Variants in ADGRB3 observed in about 807,000 individuals in gnomAD.
ADGRB3 encodes the protein adhesion G protein-coupled receptor B3, also known as brain-specific angiogenesis inhibitor 3.
In ADGRB3, 37 loss-of-function variants were observed where a neutral mutation model predicts 193.4. The observed-to-expected ratio is 0.19, with a 90% CI of 0.15 to 0.25. The LOEUF is 0.25. ADGRB3 is among the 10% of genes least tolerant of loss of function. The probability of loss-of-function intolerance (pLI) is 1.00; values close to 1 mark genes in which losing one functional copy is unlikely to be tolerated. For missense variants in ADGRB3, 1,637 were observed against 1,852.9 expected (o/e 0.88, Z 2.14); for synonymous variants, 690 against 644.2 (o/e 1.07, Z -1.08).
chr6:68,966,400 C>A (rs763087609), intron 8 of ADGRB3, among the ~76,000 whole-genome samples: 1 of 151,990 alleles, frequency 6.6e-6, no homozygotes, highest in Non-Finnish European at 1.5e-5. Context: ...CCTTGCTTAC[C>A]TCATCATATA....
At chr6:68,916,938 T>C (rs1427672206) in intron 3 of ADGRB3, among the ~76,000 whole-genome samples, 2 of 152,150 alleles carry the variant, frequency 1.3e-5, no homozygotes, top group Non-Finnish European at 2.9e-5. Context: ...ACTTTATATA[T>C]GTTTTACCTT....
chr6:69,149,102 GTTA>G (rs1774589181), intron 17 of ADGRB3, among the ~76,000 whole-genome samples: 3 of 152,146 alleles, frequency 2.0e-5, no homozygotes, highest in East Asian at 3.9e-4. Flanking sequence ...GAAGTTCTCT[GTTA>G]TTATCCTTTT....
At chr6:69,080,751 CA>C (rs1449982539) in intron 17 of ADGRB3, among the ~76,000 whole-genome samples, 15 of 151,868 alleles carry the variant, frequency 9.9e-5, no homozygotes, top group Non-Finnish European at 2.2e-4. Flanking sequence ...TTCAATTAAC[CA>C]TAGACAGGAA....
chr6:68,643,463 T>TTCTA (rs1259604102), intron 3 of ADGRB3, among the ~76,000 whole-genome samples: 1 of 140,334 alleles, frequency 7.1e-6, no homozygotes, highest in East Asian at 2.5e-4. Flanking sequence ...TTTTTTTTCG[T>TTCTA]ATGTCACTGC....
chr6:69,243,309 A>G (rs1766422606), intron 20 of ADGRB3, among the ~76,000 whole-genome samples: 1 of 151,960 alleles, frequency 6.6e-6, no homozygotes, highest in Non-Finnish European at 1.5e-5. Context: ...TCTATTCAGG[A>G]AGCTCAATGA....
Position 69,339,366 on chromosome 6 carries a change from C to T in ADGRB3, c.3321C>T (p.Pro1107=), listed in dbSNP as rs774674537. The T allele has an allele frequency of 6.2e-7, 1 of 1,613,910 alleles. No individual in the cohort carries two copies. Among genetic ancestry groups the T allele is most frequent in the South Asian group, 1.1e-5 (1 of 91,068 alleles). The change falls in exon 26 of 32, where the codon CCC becomes CCT. Residue 1107 remains proline (P), a synonymous_variant. Coordinates refer to ENST00000370598, the MANE Select transcript of ADGRB3 (RefSeq NM_001704.3). ...TTTGGAGCTCCTGTGTGGTGTTGCC[C>T]CTTCTGGCTTTGACGTGGATGTCTG... is the stretch of plus-strand genomic sequence containing the variant. ...ASLWSSCVVL[P]LLALTWMSAV...
chr6:68,862,172 G>A (rs570718147), intron 3 of ADGRB3, among the ~76,000 whole-genome samples: 1 of 146,750 alleles, frequency 6.8e-6, no homozygotes, highest in South Asian at 2.2e-4. Flanking sequence ...TTCTCCTTAT[G>A]GGCATAAAGA....
chr6:68,839,530 C>T (rs1182994099), intron 3 of ADGRB3, among the ~76,000 whole-genome samples: 1 of 152,138 alleles, frequency 6.6e-6, no homozygotes, highest in Admixed American at 6.5e-5. Context: ...ATAGATGTCA[C>T]CTTATAGGAA....
chr6:68,669,400 C>T (rs140629556), intron 3 of ADGRB3, among the ~76,000 whole-genome samples: 2 of 150,992 alleles, frequency 1.3e-5, no homozygotes, highest in African/African-American at 4.9e-5. Flanking sequence ...CCCCACTACC[C>T]TTCCCTGCCT....
At chr6:69,172,107 G>A (rs1177078049) in intron 17 of ADGRB3, among the ~76,000 whole-genome samples, 2 of 152,180 alleles carry the variant, frequency 1.3e-5, no homozygotes, top group Admixed American at 1.3e-4. Flanking sequence ...TGAAGCCTAT[G>A]TTTTTAGATC....
At chr6:69,293,899 A>G (rs536177724) in intron 20 of ADGRB3, among the ~76,000 whole-genome samples, 1 of 151,572 alleles carries the variant, frequency 6.6e-6, no homozygotes, top group African/African-American at 2.4e-5. Flanking sequence ...GAACATAGAC[A>G]GGAAGGAACA....
At chr6:68,897,506 A>AGGAAGGAAGGGAGGGAGGAAGGAAAG (rs1766257816) in intron 3 of ADGRB3, among the ~76,000 whole-genome samples, 2 of 28,996 alleles carry the variant, frequency 6.9e-5, no homozygotes, top group Non-Finnish European at 1.3e-4. Flanking sequence ...AGGGAAGAGG[A>AGGAAGGAAGGGAGGGAGGAAGGAAAG]AGGAAGGAAG....
intron 3 of ADGRB3, among the ~76,000 whole-genome samples, chr6:68,771,159 C>A (rs1177680197): frequency 6.6e-6 from 1 of 151,922 alleles, no homozygotes; most frequent in Non-Finnish European, 1.5e-5. Flanking sequence ...GCTATGTAAA[C>A]TTTTATTTTC....
chr6:68,781,780 G>T (rs1311163383), intron 3 of ADGRB3, among the ~76,000 whole-genome samples: 1 of 151,952 alleles, frequency 6.6e-6, no homozygotes, highest in Non-Finnish European at 1.5e-5. Flanking sequence ...TGGATCCCAA[G>T]AAGCTGAGGT....
intron 3 of ADGRB3, among the ~76,000 whole-genome samples, chr6:68,666,140 C>G (rs1768794533): frequency 6.6e-6 from 1 of 151,848 alleles, no homozygotes; most frequent in Admixed American, 6.6e-5. Flanking sequence ...GAATCACAAA[C>G]TAGCAGACCT....
At chr6:68,715,929 G>T (rs1290561699) in intron 3 of ADGRB3, among the ~76,000 whole-genome samples, 2 of 151,718 alleles carry the variant, frequency 1.3e-5, no homozygotes, top group East Asian at 1.9e-4. Context: ...AGGTGTATTG[G>T]GGTGTATGCA....
chr6:68,760,686 T>G (rs1766380622), intron 3 of ADGRB3, among the ~76,000 whole-genome samples: 1 of 152,172 alleles, frequency 6.6e-6, no homozygotes. Flanking sequence ...TCCACACAGG[T>G]GGACTGCCTC....
At chr6:69,378,038 C>T (rs1354198633) in intron 30 of ADGRB3, among the ~76,000 whole-genome samples, 1 of 152,046 alleles carries the variant, frequency 6.6e-6, no homozygotes, top group African/African-American at 2.4e-5. Context: ...TCTATGCTGT[C>T]TTGTTCATTT....
chr6:68,828,283 G>A (rs893327300), intron 3 of ADGRB3, among the ~76,000 whole-genome samples: 2 of 152,054 alleles, frequency 1.3e-5, no homozygotes, highest in African/African-American at 4.8e-5. Flanking sequence ...ATTTTAGTAA[G>A]TAGAATGTAA....
Sources: allele counts gnomAD v4.1 joint callset (sites outside exome capture counted in the v4.1 genomes callset), GRCh38; gene constraint gnomAD v4.1.1; transcripts MANE v1.5; gene names NCBI Gene and HGNC (gene_info 2026-07-23, HGNC 2026-07-21).